MID1: variants seen among roughly 807,000 people sequenced by gnomAD.
MID1 encodes midline 1, also known as E3 ubiquitin-protein ligase Midline-1.
Under a neutral mutation model 40.4 loss-of-function variants are expected in MID1, and 7 were observed. The ratio of observed to expected loss-of-function variants is 0.17; its 90% CI spans 0.10 to 0.33. The LOEUF is 0.33. Ranked by LOEUF, MID1 falls within the 10% of genes least tolerant of loss-of-function variation. The probability of loss-of-function intolerance (pLI) is 1.00; values close to 1 mark genes in which losing one functional copy is unlikely to be tolerated. For synonymous variants in MID1, 229 were observed against 221.2 expected (o/e 1.04, Z -0.31); for missense variants, 367 against 558.5 (o/e 0.66, Z 3.46).
chrX:10,550,501 T>TCCAGGCTG (rs202125443), intron 2 of MID1, among the ~76,000 whole-genome samples: 1 of 111,830 alleles, frequency 8.9e-6, no homozygotes, highest in African/African-American at 3.3e-5. Flanking sequence ...TGGGGCTGCT[T>TCCAGGCTG]CCAGGCTGCC....
intron 1 of MID1, among the ~76,000 whole-genome samples, chrX:10,803,435 C>T: frequency 9.4e-6 from 1 of 106,805 alleles, no homozygotes. Context: ...TCACTGCAAC[C>T]TCCACCTCCC....
chrX:10,802,167 C>T (rs1444041055), intron 1 of MID1, among the ~76,000 whole-genome samples: 1 of 111,284 alleles, frequency 9.0e-6, no homozygotes, highest in East Asian at 2.8e-4. Context: ...GGCGAAAGAG[C>T]AAGACTCCAT....
intron 1 of MID1, among the ~76,000 whole-genome samples, chrX:10,817,838 C>T (rs1451927959): frequency 1.8e-5 from 2 of 110,335 alleles, no homozygotes; most frequent in African/African-American, 3.3e-5. Context: ...AGGCTGGTCT[C>T]GAACTCCTGA....
chrX:10,449,391 C>A lies in MID1; in HGVS notation c.1981G>T (p.Asp661Tyr). ...ITGLPIPDHL[D>Y]CTEQLP The stretch of plus-strand genomic sequence containing the variant: ...GCTCACGGCAGCTGCTCTGTGCAGT[C>A]CAAATGGTCTGGGATAGGGAGCCCA... Residue 661 changes from aspartate (D) to tyrosine (Y), a missense_variant, in exon 10 of 10, where the codon GAC becomes TAC. Asp to Tyr is a radical substitution (Grantham distance 160). Around this residue, in one of 3 missense-constraint regions of MID1, gnomAD observed 275 missense variants for 383.1 expected, o/e 0.72. Transcript: ENST00000317552. 8.3e-7 allele frequency: 1 copy of A among 1,211,232 alleles called. No individual in the cohort carries two copies. Among genetic ancestry groups the A allele is most frequent in the Non-Finnish European group, 1.1e-6 (1 of 895,163 alleles).
intron 1 of MID1, among the ~76,000 whole-genome samples, chrX:10,723,682 G>A (rs1602538575): frequency 8.9e-6 from 1 of 112,390 alleles, no homozygotes; most frequent in African/African-American, 3.2e-5. Context: ...CTCCGGAGTA[G>A]CTGGGACTAC....
chrX:10,724,206 A>C (rs2043375645), intron 1 of MID1, among the ~76,000 whole-genome samples: 1 of 111,099 alleles, frequency 9.0e-6, no homozygotes, highest in Admixed American at 9.6e-5. Context: ...GGCTATAGGC[A>C]CGCACCACCA....
At chrX:10,796,442 A>AT (rs35378685) in intron 1 of MID1, among the ~76,000 whole-genome samples, 8,435 of 94,602 alleles carry the variant, frequency 0.089, 441 homozygotes, top group Non-Finnish European at 0.14. Context: ...TTTTTTAATG[A>AT]TTTTTTTTTT....
At chrX:10,636,492 T>A (rs1407388693) in intron 1 of MID1, among the ~76,000 whole-genome samples, 1 of 109,250 alleles carries the variant, frequency 9.2e-6, no homozygotes, top group African/African-American at 3.3e-5. Flanking sequence ...TCCTTACAGG[T>A]TTCACCGTTG....
chrX:10,798,779 GGTT>G (rs1387734710), intron 1 of MID1, among the ~76,000 whole-genome samples: 1 of 111,610 alleles, frequency 9.0e-6, no homozygotes, highest in Non-Finnish European at 1.9e-5. Flanking sequence ...TGTATTGTAT[GGTT>G]GTTGTAGGAA....
chrX:10,546,058 A>G (rs566480972), intron 2 of MID1, among the ~76,000 whole-genome samples: 2 of 111,503 alleles, frequency 1.8e-5, no homozygotes, highest in East Asian at 2.8e-4. Flanking sequence ...GGGATTTCCT[A>G]TGGTAGTTTA....
chrX:10,493,064 C>T (rs1931038527), intron 4 of MID1, among the ~76,000 whole-genome samples: 1 of 111,627 alleles, frequency 9.0e-6, no homozygotes, highest in Non-Finnish European at 1.9e-5. Flanking sequence ...TAAGGGCTCT[C>T]AATGCTGCCC....
intron 1 of MID1, among the ~76,000 whole-genome samples, chrX:10,753,565 T>TG (rs745425008): frequency 4.9e-4 from 51 of 104,511 alleles, no homozygotes; most frequent in Middle Eastern, 4.8e-3. Flanking sequence ...AGTGCACACT[T>TG]CAAAAAAAAA....
chrX:10,451,829 TG>T (rs763406183), intron 9 of MID1, among the ~76,000 whole-genome samples: 91 of 111,942 alleles, frequency 8.1e-4, no homozygotes, highest in African/African-American at 2.8e-3. Context: ...CACATAGAAC[TG>T]TAAGTAAGTA....
chrX:10,625,543 A>C (rs1327174685), upstream of MID1, among the ~76,000 whole-genome samples: 1 of 112,201 alleles, frequency 8.9e-6, no homozygotes, highest in Non-Finnish European at 1.9e-5. Context: ...ATAATTTTAA[A>C]ATCTCCATTA....
intron 9 of MID1, among the ~76,000 whole-genome samples, chrX:10,453,954 T>C (rs1443565754): frequency 8.9e-6 from 1 of 112,278 alleles, no homozygotes; most frequent in East Asian, 2.8e-4. Flanking sequence ...TGTAAAATGC[T>C]TAGACCAGTG....
At chrX:10,722,514 A>T (rs755800865) in intron 1 of MID1, among the ~76,000 whole-genome samples, 6 of 112,339 alleles carry the variant, frequency 5.3e-5, no homozygotes, top group Non-Finnish European at 9.4e-5. Context: ...AAGCTACAAA[A>T]AATACCTTCC....
chrX:10,658,066 A>G (rs2042887396), intron 1 of MID1, among the ~76,000 whole-genome samples: 1 of 111,639 alleles, frequency 9.0e-6, no homozygotes, highest in Admixed American at 9.6e-5. Context: ...AACTGATTGA[A>G]GAAAGACCTC....
intron 2 of MID1, among the ~76,000 whole-genome samples, chrX:10,523,485 G>C (rs1302150361): frequency 8.9e-6 from 1 of 111,990 alleles, no homozygotes; most frequent in Admixed American, 9.5e-5. Flanking sequence ...AGGAAGAAAG[G>C]AGGTAATTGG....
intron 1 of MID1, among the ~76,000 whole-genome samples, chrX:10,686,922 A>G (rs774435771): frequency 9.0e-6 from 1 of 111,656 alleles, no homozygotes; most frequent in East Asian, 2.8e-4. Context: ...GACTCTCTAT[A>G]ATTGTGCAGC....
Sources: gnomAD v4.1 joint callset for allele counts (sites outside exome capture counted in the v4.1 genomes callset) on GRCh38, gnomAD v4.1.1 for gene constraint, gnomAD v4.1.1 regional missense constraint, MANE v1.5 for transcripts, NCBI Gene and HGNC (gene_info 2026-07-23, HGNC 2026-07-21) for gene names.